The following ZNF804B variants were observed in gnomAD, a reference collection of about 807,000 sequenced individuals.
ZNF804B encodes the protein zinc finger 804B.
Under a neutral mutation model 101.4 loss-of-function variants are expected in ZNF804B, and 80 were observed. That is an observed-to-expected ratio of 0.79 (90% confidence interval 0.66 to 0.95). The LOEUF is 0.95. Among genes scored for constraint, ZNF804B ranks in the 40% least tolerant of loss-of-function variants. The probability of loss-of-function intolerance (pLI) is 0.00; values close to 1 mark genes in which losing one functional copy is unlikely to be tolerated. For synonymous variants in ZNF804B, 622 were observed against 558.8 expected (o/e 1.11, Z -1.59); for missense variants, 1,673 against 1,561.9 (o/e 1.07, Z -1.20).
chr7:89,175,936 T>G (rs1340783219), intron 1 of ZNF804B, among the ~76,000 whole-genome samples: 2 of 152,034 alleles, frequency 1.3e-5, no homozygotes, highest in Non-Finnish European at 2.9e-5. Flanking sequence ...ATGAATTTGT[T>G]GATTAGTTCT....
intron 1 of ZNF804B, chr7:88,794,000 C>A (rs1790427670): frequency 4.4e-6 from 2 of 457,754 alleles, no homozygotes; most frequent in South Asian, 1.4e-4. Context: ...AACTTAATAC[C>A]ACAACAAATA....
intron 2 of ZNF804B, among the ~76,000 whole-genome samples, chr7:89,323,057 G>A (rs1790844099): frequency 1.3e-5 from 2 of 152,228 alleles, no homozygotes; most frequent in South Asian, 4.1e-4. Flanking sequence ...TCGTGAGTGG[G>A]ATTAGTGCCC....
At chr7:89,176,766 C>T (rs1457381320) in intron 1 of ZNF804B, among the ~76,000 whole-genome samples, 1 of 151,140 alleles carries the variant, frequency 6.6e-6, no homozygotes, top group Non-Finnish European at 1.5e-5. Flanking sequence ...TTATATGATC[C>T]CAAGTTTTTC....
chr7:88,919,191 C>A (rs992466295), intron 1 of ZNF804B, among the ~76,000 whole-genome samples: 15 of 152,072 alleles, frequency 9.9e-5, no homozygotes, highest in African/African-American at 2.9e-4. Flanking sequence ...TTGGATAGAG[C>A]TGAAGCTTAT....
intron 1 of ZNF804B, among the ~76,000 whole-genome samples, chr7:88,958,344 A>G (rs1205274087): frequency 1.3e-5 from 2 of 151,548 alleles, no homozygotes; most frequent in Admixed American, 6.6e-5. Context: ...CCTCGTGCAT[A>G]TGACAAATAC....
chr7:89,168,489 A>G (rs1283996725), intron 1 of ZNF804B, among the ~76,000 whole-genome samples: 1 of 152,100 alleles, frequency 6.6e-6, no homozygotes, highest in Non-Finnish European at 1.5e-5. Context: ...AGCAAACTTT[A>G]TATTTCTTGC....
At position 89,107,174 on chromosome 7, in the gene ZNF804B, C is replaced by T. The variant is rs1242475091; in HGVS notation, c.109-110981C>T. On this transcript the variant is annotated intron_variant, in intron 1 of 3. Transcript: ENST00000333190. ...AACCACTTTTTATTTATAATGTATT[C>T]ATAAAGTTTTAGATTATAATAGTGG... 3.9e-5 allele frequency among the ~76,000 whole-genome samples: 6 copies of T among 152,062 alleles called. No homozygotes were observed. The South Asian group carries it at 1.2e-3, about 32-fold the overall frequency.
chr7:89,023,573 T>C (rs1342691307), intron 1 of ZNF804B, among the ~76,000 whole-genome samples: 1 of 152,128 alleles, frequency 6.6e-6, no homozygotes, highest in Admixed American at 6.5e-5. Context: ...TTTACTAGAG[T>C]TTATTTATTT....
At chr7:88,878,872 A>AAATATACTACTT (rs1190777585) in intron 1 of ZNF804B, among the ~76,000 whole-genome samples, 1 of 152,210 alleles carries the variant, frequency 6.6e-6, no homozygotes, top group Non-Finnish European at 1.5e-5. Context: ...ACCATCTTCT[A>AAATATACTACTT]AATATACTAC....
chr7:89,063,946 T>A (rs1789413864), intron 1 of ZNF804B, among the ~76,000 whole-genome samples: 1 of 152,188 alleles, frequency 6.6e-6, no homozygotes, highest in Admixed American at 6.6e-5. Flanking sequence ...TGTGTGTTAC[T>A]CTCAATAAAC....
At chr7:88,933,010 C>T (rs1472019074) in intron 1 of ZNF804B, among the ~76,000 whole-genome samples, 1 of 151,548 alleles carries the variant, frequency 6.6e-6, no homozygotes, top group Non-Finnish European at 1.5e-5. Context: ...AATTACAGAC[C>T]AATATCCCTG....
intron 1 of ZNF804B, among the ~76,000 whole-genome samples, chr7:89,194,105 T>C (rs914736680): frequency 6.6e-6 from 1 of 151,798 alleles, no homozygotes; most frequent in Non-Finnish European, 1.5e-5. Flanking sequence ...GCTGCATAAA[T>C]GTCTTCTTTT....
At chr7:88,919,555 C>A (rs1207517243) in intron 1 of ZNF804B, among the ~76,000 whole-genome samples, 3 of 152,070 alleles carry the variant, frequency 2.0e-5, no homozygotes, top group Admixed American at 6.6e-5. Context: ...CTATACATGT[C>A]AGGAGAATGA....
chr7:88,958,569 C>T (rs143660896), intron 1 of ZNF804B, among the ~76,000 whole-genome samples: 1 of 151,450 alleles, frequency 6.6e-6, no homozygotes, highest in Non-Finnish European at 1.5e-5. Flanking sequence ...TCACTATGAA[C>T]TATGTATAGT....
intron 2 of ZNF804B, among the ~76,000 whole-genome samples, chr7:89,229,506 A>C (rs952899718): frequency 6.6e-6 from 1 of 152,248 alleles, no homozygotes; most frequent in Non-Finnish European, 1.5e-5. Flanking sequence ...TGTCTCCAAG[A>C]AGACATAATC....
At chr7:89,127,519 A>C (rs576312224) in intron 1 of ZNF804B, among the ~76,000 whole-genome samples, 1 of 151,948 alleles carries the variant, frequency 6.6e-6, no homozygotes, top group African/African-American at 2.4e-5. Context: ...TACAGGTCAG[A>C]GTATGTCTTT....
At chr7:89,252,343 A>G (rs1443037495) in intron 2 of ZNF804B, among the ~76,000 whole-genome samples, 1 of 152,230 alleles carries the variant, frequency 6.6e-6, no homozygotes, top group Non-Finnish European at 1.5e-5. Flanking sequence ...CACATCAGTC[A>G]GAATGGCTAT....
At chr7:88,855,546 C>T (rs1268618163) in intron 1 of ZNF804B, among the ~76,000 whole-genome samples, 2 of 152,046 alleles carry the variant, frequency 1.3e-5, no homozygotes, top group Non-Finnish European at 2.9e-5. Flanking sequence ...TTCTCCCATT[C>T]TGTAGGTTGC....
intron 1 of ZNF804B, among the ~76,000 whole-genome samples, chr7:89,077,086 G>GAAGAGCTATCTATACAGCCAATGTAGA (rs144602940): frequency 6.6e-6 from 1 of 151,950 alleles, no homozygotes; most frequent in Non-Finnish European, 1.5e-5. Flanking sequence ...CAGTGATGAT[G>GAAGAGCTATCTATACAGCCAATGTAGA]ATGTTCCCTT....
Sources: allele counts gnomAD v4.1 joint callset (sites outside exome capture counted in the v4.1 genomes callset), GRCh38; gene constraint gnomAD v4.1.1; transcripts MANE v1.5; gene names NCBI Gene and HGNC (gene_info 2026-07-23, HGNC 2026-07-21).